The following CDH11 variants were observed in gnomAD, a reference collection of about 807,000 sequenced individuals.
CDH11 encodes the protein cadherin-11.
Under a neutral mutation model 67.8 loss-of-function variants are expected in CDH11, and 11 were observed. That is an observed-to-expected ratio of 0.16 (90% confidence interval 0.10 to 0.27). The LOEUF is 0.27. CDH11 is among the 10% of genes least tolerant of loss of function. CDH11 has a pLI of 1.00. For missense variants in CDH11, 847 were observed against 1,031.2 expected (o/e 0.82, Z 2.45); for synonymous variants, 419 against 400.0 (o/e 1.05, Z -0.57).
intron 2 of CDH11, among the ~76,000 whole-genome samples, chr16:65,025,978 C>CAGAAGTCTG (rs2073526536): frequency 6.6e-6 from 1 of 152,144 alleles, no homozygotes. Context: ...TCCACAGAAA[C>CAGAAGTCTG]TCCTGGGCCT....
intron 1 of CDH11, among the ~76,000 whole-genome samples, chr16:65,096,663 A>C (rs1213942191): frequency 6.7e-6 from 1 of 148,864 alleles, no homozygotes; most frequent in African/African-American, 2.5e-5. Context: ...ATATATACCA[A>C]ATATATACAG....
intron 1 of CDH11, among the ~76,000 whole-genome samples, chr16:65,116,774 G>A (rs992766207): frequency 1.3e-5 from 2 of 151,780 alleles, no homozygotes; most frequent in African/African-American, 2.4e-5. Flanking sequence ...AGAGAGAGAG[G>A]TACGAAGATC....
At chr16:65,035,990 G>T (rs1259820921) in intron 2 of CDH11, among the ~76,000 whole-genome samples, 1 of 152,168 alleles carries the variant, frequency 6.6e-6, no homozygotes, top group African/African-American at 2.4e-5. Flanking sequence ...TGTCCAGGTG[G>T]TCACAGCTCA....
In CDH11 at chr16:65,043,083, G is replaced by A. The variant is rs546370742; in HGVS notation, c.-173+10721C>T. Among the ~76,000 whole-genome samples the A allele has an allele frequency of 6.6e-5, 10 of 152,320 alleles. No individual in the cohort carries two copies. In the South Asian group the frequency reaches 1.9e-3, roughly 28 times the overall value. On this transcript the variant is annotated intron_variant, in intron 2 of 12. Transcript: ENST00000268603. The stretch of plus-strand genomic sequence containing the variant: ...TTGCATAATTTTAGTGCAGAAACAG[G>A]ATTAATATCTGCCTTCAGAGTAGAA...
At chr16:65,111,505 A>C (rs2075154269) in intron 1 of CDH11, among the ~76,000 whole-genome samples, 1 of 150,776 alleles carries the variant, frequency 6.6e-6, no homozygotes, top group Admixed American at 6.6e-5. Flanking sequence ...AAAAGAAATA[A>C]ACAAATAAAC....
chr16:64,961,682 T>G (rs2071679831), intron 11 of CDH11, among the ~76,000 whole-genome samples: 1 of 152,164 alleles, frequency 6.6e-6, no homozygotes, highest in South Asian at 2.1e-4. Flanking sequence ...GCCTTGCCTT[T>G]TCCTCTGTAC....
At chr16:64,982,550 C>T (rs1360272495) in intron 7 of CDH11, 2 of 458,886 alleles carry the variant, frequency 4.4e-6, no homozygotes, top group African/African-American at 3.9e-5. Flanking sequence ...TAAAATGAAA[C>T]TTATTCTATA....
intron 11 of CDH11, among the ~76,000 whole-genome samples, chr16:64,958,138 C>T (rs1449175365): frequency 1.3e-5 from 2 of 152,278 alleles, no homozygotes; most frequent in Non-Finnish European, 2.9e-5. Flanking sequence ...AGGGAAGGGG[C>T]CTTGTCTTAT....
intron 2 of CDH11, among the ~76,000 whole-genome samples, chr16:65,007,836 A>G (rs1298502304): frequency 2.0e-5 from 3 of 152,176 alleles, no homozygotes; most frequent in African/African-American, 7.2e-5. Flanking sequence ...ATTCACATTT[A>G]TATGTCTGAC....
chr16:65,075,861 G>A (rs1051756366), intron 1 of CDH11, among the ~76,000 whole-genome samples: 1 of 152,176 alleles, frequency 6.6e-6, no homozygotes, highest in African/African-American at 2.4e-5. Context: ...ATAAATGATT[G>A]TGTTTTCTTC....
intron 2 of CDH11, among the ~76,000 whole-genome samples, chr16:65,023,265 A>T (rs1413351948): frequency 6.6e-6 from 1 of 152,202 alleles, no homozygotes; most frequent in Non-Finnish European, 1.5e-5. Context: ...GATGTGCCCA[A>T]ATCAAAGGGA....
chr16:64,969,811 A>G (rs1312321262), intron 11 of CDH11, among the ~76,000 whole-genome samples: 2 of 152,200 alleles, frequency 1.3e-5, no homozygotes, highest in Non-Finnish European at 2.9e-5. Flanking sequence ...TATGTGCCTG[A>G]GTTTCCTTGT....
rs116417683 is a variant in CDH11 at position 65,026,560 on chromosome 16, G to A, written c.-172-21519C>T. Reference sequence around the variant, plus strand: ...TTTGGAGACAAGGATTTCTTCAATAGTTAAGTGATAAGAATTTAGTAAAAC... The same window carrying A: ...TTTGGAGACAAGGATTTCTTCAATAATTAAGTGATAAGAATTTAGTAAAAC... On this transcript the variant is annotated intron_variant, in intron 2 of 12. Transcript: ENST00000268603. 5.5e-3 allele frequency among the ~76,000 whole-genome samples: 844 copies of A among 152,246 alleles called. 11 individuals carry two copies. Among genetic ancestry groups the A allele is most frequent in the African/African-American group, 0.019 (783 of 41,546 alleles).
chr16:65,121,838 G>A lies in CDH11; in HGVS notation c.-298+42C>T. 1 of 700,850 alleles carries A rather than the reference G, an allele frequency of 1.4e-6. No individual in the cohort carries two copies. The highest frequency in any genetic ancestry group is 2.6e-6 in the Non-Finnish European group (1 of 384,100). 43.4% of individuals were successfully genotyped at this position (700,850 alleles called of 1,614,324 possible). A position where few individuals can be genotyped will look rare whatever the true frequency, so the allele number is the denominator to read the frequency against. Reference sequence around the variant, plus strand: ...AAAATCCTGCCCCCCATTCCAAGAAGCCCCAACCAGGCGAGAGGAAGGGAC... The same window carrying A: ...AAAATCCTGCCCCCCATTCCAAGAAACCCCAACCAGGCGAGAGGAAGGGAC... On this transcript the variant is annotated intron_variant, in intron 1 of 12. Coordinates refer to ENST00000268603, the MANE Select transcript of CDH11 (RefSeq NM_001797.4). The surrounding 1 kb of genome is among the most constrained non-coding windows in gnomAD (Gnocchi z 4.1).
intron 1 of CDH11, among the ~76,000 whole-genome samples, chr16:65,079,522 C>A (rs1214630306): frequency 6.6e-6 from 1 of 152,144 alleles, no homozygotes; most frequent in African/African-American, 2.4e-5. Context: ...TGTGTGTGTG[C>A]GTGTTCCAAT....
At chr16:64,999,677 G>A (rs2072869320) in intron 3 of CDH11, among the ~76,000 whole-genome samples, 1 of 152,056 alleles carries the variant, frequency 6.6e-6, no homozygotes, top group Non-Finnish European at 1.5e-5. Context: ...TGGGATTACA[G>A]GCACATGCTA....
intron 1 of CDH11, among the ~76,000 whole-genome samples, chr16:65,117,120 A>C (rs920028801): frequency 1.2e-4 from 18 of 152,256 alleles, no homozygotes; most frequent in Admixed American, 8.5e-4. Flanking sequence ...AGTGAACGTC[A>C]GTTTACAAAA....
At chr16:65,093,214 T>TA (rs1303731347) in intron 1 of CDH11, among the ~76,000 whole-genome samples, 32 of 149,576 alleles carry the variant, frequency 2.1e-4, no homozygotes, top group Admixed American at 2.1e-3. Context: ...GGGTTCCTTT[T>TA]TTTTTTTTTT....
chr16:64,999,798 G>A (rs1000593521), intron 3 of CDH11, among the ~76,000 whole-genome samples: 8 of 152,180 alleles, frequency 5.3e-5, no homozygotes, highest in African/African-American at 1.4e-4. Context: ...GCCTCCCAAA[G>A]TGCTGGGATT....
Sources: allele counts gnomAD v4.1 joint callset (sites outside exome capture counted in the v4.1 genomes callset), GRCh38; gene constraint gnomAD v4.1.1; non-coding constraint Gnocchi (gnomAD v3.1); transcripts MANE v1.5; gene names NCBI Gene and HGNC (gene_info 2026-07-23, HGNC 2026-07-21).